The following CNTNAP5 variants were observed in gnomAD, a reference collection of about 807,000 sequenced individuals.
CNTNAP5 encodes contactin associated protein family member 5.
Under a neutral mutation model 150.2 loss-of-function variants are expected in CNTNAP5, and 72 were observed. The observed-to-expected ratio is 0.48, with a 90% confidence interval of 0.40 to 0.58. The LOEUF is 0.58. Ranked by LOEUF, CNTNAP5 falls within the 20% of genes least tolerant of loss-of-function variation. CNTNAP5 has a pLI of 0.00. For synonymous variants in CNTNAP5, 672 were observed against 619.8 expected, an observed-to-expected ratio of 1.08 and a Z score of -1.25; for missense variants, 1,636 against 1,626.2, an observed-to-expected ratio of 1.01 and a Z score of -0.10.
chr2:124,807,359 A>G (rs2104652303), intron 19 of CNTNAP5, among the ~76,000 whole-genome samples: 1 of 152,262 alleles, frequency 6.6e-6, no homozygotes, highest in Non-Finnish European at 1.5e-5. Context: ...AGCCTTAAGA[A>G]TCCAGTTCAA....
intron 4 of CNTNAP5, 113 bp from the exon 5 acceptor site, chr2:124,434,371 G>A: frequency 1.2e-6 from 1 of 809,606 alleles, no homozygotes. Context: ...GACTAGACCT[G>A]GCAGATCTCA....
At chr2:124,130,025 A>G (rs898479969) in intron 1 of CNTNAP5, among the ~76,000 whole-genome samples, 7 of 152,152 alleles carry the variant, frequency 4.6e-5, no homozygotes, top group Admixed American at 2.6e-4. Context: ...TCTTCATTCT[A>G]TATGGATTGT....
At chr2:124,461,443 T>C (rs547879709) in intron 6 of CNTNAP5, among the ~76,000 whole-genome samples, 5 of 145,262 alleles carry the variant, frequency 3.4e-5, no homozygotes, top group South Asian at 4.3e-4. Flanking sequence ...AACCAAACAC[T>C]GCATATTCTC....
chr2:124,109,093 G>T (rs2104703921), intron 1 of CNTNAP5, among the ~76,000 whole-genome samples: 1 of 152,316 alleles, frequency 6.6e-6, no homozygotes, highest in Middle Eastern at 3.4e-3. Flanking sequence ...GCAGCTTCCT[G>T]AGCCGGCAGC....
chr2:124,059,651 A>G (rs1681951299), intron 1 of CNTNAP5, among the ~76,000 whole-genome samples: 1 of 151,970 alleles, frequency 6.6e-6, no homozygotes, highest in Admixed American at 6.6e-5. Context: ...TAGCTAGTAT[A>G]CTTGTTTTTC....
At chr2:124,153,603 CTTTTTTTTTTT>C (rs948493792) in intron 1 of CNTNAP5, among the ~76,000 whole-genome samples, 2 of 85,096 alleles carry the variant, frequency 2.4e-5, no homozygotes, top group South Asian at 4.7e-4. Context: ...CCCCCCGGGA[CTTTTTTTTTTT>C]TTTTTTTTTT....
intron 3 of CNTNAP5, among the ~76,000 whole-genome samples, chr2:124,269,373 G>T (rs1292907813): frequency 6.6e-5 from 10 of 152,082 alleles, no homozygotes; most frequent in Non-Finnish European, 1.5e-5. Context: ...AGCTGAGCTA[G>T]GTTTCTTTCT....
At position 124,437,470 on chromosome 2, in the gene CNTNAP5, A is replaced by G. The variant is rs183129666; in HGVS notation, c.733+2783A>G. 8.5e-5 allele frequency among the ~76,000 whole-genome samples: 13 copies of G among 152,316 alleles called. No individual in the cohort carries two copies. In the East Asian group the frequency reaches 2.3e-3, roughly 27 times the overall value. On this transcript the variant is annotated intron_variant, in intron 5 of 23. Coordinates refer to ENST00000682447, the MANE Select transcript of CNTNAP5 (RefSeq NM_001367498.1). ...TATACAGATAGTGATTAGTGTAGCT[A>G]CTATTACCATCTCCAGGTGTTTTAC...
chr2:124,576,158 ATATCTATATC>A (rs1300145911), intron 11 of CNTNAP5, among the ~76,000 whole-genome samples: 2 of 152,106 alleles, frequency 1.3e-5, no homozygotes, highest in Non-Finnish European at 2.9e-5. Flanking sequence ...ATCTATATCT[ATATCTATATC>A]TATATATATG....
chr2:124,349,631 C>T (rs1178685370), intron 3 of CNTNAP5, among the ~76,000 whole-genome samples: 1 of 152,144 alleles, frequency 6.6e-6, no homozygotes, highest in East Asian at 1.9e-4. Context: ...AGAAACTATA[C>T]TTCCAATTCA....
chr2:124,695,461 T>G (rs1276882026), intron 13 of CNTNAP5, among the ~76,000 whole-genome samples: 2 of 152,202 alleles, frequency 1.3e-5, no homozygotes, highest in African/African-American at 4.8e-5. Context: ...GCAGCTCCCC[T>G]GAACTAGTAT....
chr2:124,259,190 TC>T (rs1687391603), intron 3 of CNTNAP5, among the ~76,000 whole-genome samples: 1 of 152,132 alleles, frequency 6.6e-6, no homozygotes, highest in African/African-American at 2.4e-5. Context: ...CATGAACTCA[TC>T]CTTTTTTACC....
intron 2 of CNTNAP5, among the ~76,000 whole-genome samples, chr2:124,222,132 T>A (rs939567380): frequency 1.3e-5 from 2 of 152,138 alleles, no homozygotes; most frequent in Non-Finnish European, 2.9e-5. Flanking sequence ...AAAACATGTT[T>A]TATAATAAAA....
At chr2:124,310,152 C>G (rs1688789492) in intron 3 of CNTNAP5, among the ~76,000 whole-genome samples, 1 of 151,550 alleles carries the variant, frequency 6.6e-6, no homozygotes, top group South Asian at 2.1e-4. Context: ...TTTATTGTAA[C>G]TGCAGATTTC....
intron 3 of CNTNAP5, among the ~76,000 whole-genome samples, chr2:124,251,863 G>T (rs1018909429): frequency 3.3e-5 from 5 of 152,144 alleles, no homozygotes; most frequent in Non-Finnish European, 7.3e-5. Context: ...AGAGTTCCAC[G>T]AATGGACTGT....
intron 7 of CNTNAP5, among the ~76,000 whole-genome samples, chr2:124,476,969 A>C (rs557216493): frequency 1.0e-3 from 158 of 152,224 alleles, no homozygotes; most frequent in African/African-American, 3.8e-3. Flanking sequence ...TTAAGAGAAA[A>C]TCCAGAGAAT....
chr2:124,142,854 T>G (rs1174233938), intron 1 of CNTNAP5, among the ~76,000 whole-genome samples: 3 of 151,100 alleles, frequency 2.0e-5, no homozygotes, highest in Admixed American at 6.6e-5. Flanking sequence ...ATCCAGGAGC[T>G]GGTTTTTTGA....
At chr2:124,344,227 C>CA in intron 3 of CNTNAP5, among the ~76,000 whole-genome samples, 1 of 151,926 alleles carries the variant, frequency 6.6e-6, no homozygotes, top group African/African-American at 2.4e-5. Flanking sequence ...CCTTCTCAAA[C>CA]AAAAAATGCA....
chr2:124,318,595 G>A (rs1162690900), intron 3 of CNTNAP5, among the ~76,000 whole-genome samples: 3 of 152,148 alleles, frequency 2.0e-5, no homozygotes, highest in East Asian at 3.9e-4. Flanking sequence ...CAAGGGAAGA[G>A]TTTGAAAAAC....
Sources: gnomAD v4.1 joint callset for allele counts (sites outside exome capture counted in the v4.1 genomes callset) on GRCh38, gnomAD v4.1.1 for gene constraint, MANE v1.5 for transcripts, NCBI Gene and HGNC (gene_info 2026-07-23, HGNC 2026-07-21) for gene names.